Variants in ANTXR2 observed in about 807,000 individuals in gnomAD.
ANTXR2 encodes anthrax toxin receptor 2.
In ANTXR2, 44 loss-of-function variants were observed where a neutral mutation model predicts 73.7. The ratio of observed to expected loss-of-function variants is 0.60; its 90% CI spans 0.47 to 0.77. The LOEUF is 0.77. Among genes scored for constraint, ANTXR2 ranks in the 30% least tolerant of loss-of-function variants. The probability of loss-of-function intolerance (pLI) is 0.00; values close to 1 mark genes in which losing one functional copy is unlikely to be tolerated. For synonymous variants in ANTXR2, 217 were observed against 205.9 expected (o/e 1.05, Z -0.46); for missense variants, 604 against 592.5 (o/e 1.02, Z -0.20).
At chr4:80,062,067 T>A (rs1734286337) in intron 3 of ANTXR2, among the ~76,000 whole-genome samples, 1 of 152,212 alleles carries the variant, frequency 6.6e-6, no homozygotes, top group South Asian at 2.1e-4. Context: ...ACTAATGGGT[T>A]TTAGCTGTAT....
At chr4:80,020,979 T>G (rs947455497) in intron 10 of ANTXR2, among the ~76,000 whole-genome samples, 1 of 151,502 alleles carries the variant, frequency 6.6e-6, no homozygotes, top group Non-Finnish European at 1.5e-5. Flanking sequence ...AAACCCCGTC[T>G]CTACTAAAAA....
intron 7 of ANTXR2, among the ~76,000 whole-genome samples, chr4:80,038,926 G>A (rs1733107376): frequency 2.0e-5 from 3 of 151,954 alleles, no homozygotes; most frequent in Admixed American, 2.0e-4. Flanking sequence ...CAAACTTTTT[G>A]AGGAAAGAAA....
At chr4:79,999,163 TG>T (rs1328642262) in intron 12 of ANTXR2, among the ~76,000 whole-genome samples, 1 of 152,052 alleles carries the variant, frequency 6.6e-6, no homozygotes, top group Admixed American at 6.6e-5. Context: ...TGATATGGTT[TG>T]GCTCTTTGTC....
rs1409129641 is a variant in ANTXR2, at chr4:79,967,211, C to T, written c.1428+10410G>A. On this transcript the variant is annotated intron_variant, in intron 16 of 16. Coordinates refer to ENST00000403729, the MANE Select transcript of ANTXR2 (RefSeq NM_058172.6). ...CACCCGAATATTGCGCTTTTCAGAC[C>T]GGCTTAAGAAACGGCGCACCACGAG... Among the ~76,000 whole-genome samples the T allele has an allele frequency of 9.6e-5, 6 of 62,522 alleles. 3 individuals are homozygous for T. The highest frequency in any genetic ancestry group is 2.1e-4 in the Non-Finnish European group (6 of 28,310). The allele number at this position is 62,522 out of a possible 152,430, so 41.0% of individuals were successfully genotyped here.
rs7686888 is a variant in ANTXR2 at position 79,916,541 on chromosome 4, T to G, written c.1429-9074A>C. 3.3e-5 allele frequency among the ~76,000 whole-genome samples: 5 copies of G among 151,920 alleles called. No homozygotes were observed. The East Asian group carries it at 9.7e-4, about 29-fold the overall frequency. On this transcript the variant is annotated intron_variant, in intron 16 of 16. Transcript: ENST00000403729. Reference sequence around the variant, plus strand: ...GATCATTTCATAGATCTTAAATCAATAGTAAAAAAATTTCTCATAATATGA... The same window carrying G: ...GATCATTTCATAGATCTTAAATCAAGAGTAAAAAAATTTCTCATAATATGA...
chr4:80,026,981 C>T (rs1328779500), intron 10 of ANTXR2, among the ~76,000 whole-genome samples: 1 of 151,970 alleles, frequency 6.6e-6, no homozygotes, highest in African/African-American at 2.4e-5. Flanking sequence ...AACAGTGCAC[C>T]ATGTGAAGGA....
Position 80,018,888 on chromosome 4 carries a change from T to C in ANTXR2, c.945+10A>G. 2.0e-6 allele frequency: 3 copies of C among 1,507,330 alleles called. No homozygotes were observed. The South Asian group carries it at 4.0e-5, about 20-fold the overall frequency. The allele number at this position is 1,507,330 out of a possible 1,614,324, so 93.4% of individuals were successfully genotyped here. A position where few individuals can be genotyped will look rare whatever the true frequency, so the allele number is the denominator to read the frequency against. On this transcript the variant is annotated intron_variant, in intron 11 of 16. Transcript: ENST00000403729. ...TTTAAAAGATAATCTTTGTGCAAAC[T>C]TTTACTTACACATTCTGTGGCTGTG...
chr4:79,976,255 A>G (rs1363069554), intron 16 of ANTXR2, among the ~76,000 whole-genome samples: 1 of 152,188 alleles, frequency 6.6e-6, no homozygotes, highest in Non-Finnish European at 1.5e-5. Flanking sequence ...GTTGAAGTTC[A>G]TTAAGTTTAT....
intron 11 of ANTXR2, among the ~76,000 whole-genome samples, chr4:80,015,497 C>G (rs534067300): frequency 1.1e-4 from 16 of 152,156 alleles, no homozygotes; most frequent in Non-Finnish European, 2.1e-4. Context: ...TTTTCCTGTC[C>G]TTTCTCTTAC....
intron 16 of ANTXR2, among the ~76,000 whole-genome samples, chr4:79,958,135 T>C (rs1229070173): frequency 1.3e-5 from 2 of 152,036 alleles, no homozygotes; most frequent in African/African-American, 4.8e-5. Flanking sequence ...CATAATCTGA[T>C]GTTTCCTCTT....
intron 7 of ANTXR2, among the ~76,000 whole-genome samples, chr4:80,046,078 C>T (rs2110097972): frequency 6.6e-6 from 1 of 151,836 alleles, no homozygotes; most frequent in South Asian, 2.1e-4. Flanking sequence ...AATTTCTAAA[C>T]AAACTTTTAC....
At position 80,033,501 on chromosome 4, in the gene ANTXR2, G is replaced by A; in HGVS notation, c.767C>T (p.Thr256Ile). The change falls in exon 9 of 17, where the codon ACT becomes ATT. Residue 256 changes from threonine (T) to isoleucine (I), a missense_variant. By Grantham distance (89) the Thr-to-Ile change is moderately conservative. Coordinates refer to ENST00000403729, the MANE Select transcript of ANTXR2 (RefSeq NM_058172.6). Reference protein sequence around the residue: ...LGSRNGSVLCTYTVNETYTTS... With the variant: ...LGSRNGSVLCIYTVNETYTTS... ...TGTATATGTTTCATTTACAGTGTAA[G>A]TGCAGAGAACACTGCCATTCCGACT... 2 of 1,600,536 alleles carry A rather than the reference G, an allele frequency of 1.2e-6. No individual in the cohort carries two copies.
intron 11 of ANTXR2, among the ~76,000 whole-genome samples, chr4:80,014,491 G>A (rs946524347): frequency 1.3e-5 from 2 of 151,984 alleles, no homozygotes; most frequent in African/African-American, 2.4e-5. Context: ...GCTTGAACCC[G>A]GGAAGCAGAG....
At chr4:79,924,417 G>C (rs534974753) in intron 16 of ANTXR2, among the ~76,000 whole-genome samples, 1 of 152,214 alleles carries the variant, frequency 6.6e-6, no homozygotes, top group South Asian at 2.1e-4. Context: ...CTTGAAACCA[G>C]AAGTTTGAGG....
chr4:80,038,097 T>C (rs1294342036), intron 7 of ANTXR2, among the ~76,000 whole-genome samples: 3 of 152,138 alleles, frequency 2.0e-5, no homozygotes, highest in African/African-American at 7.2e-5. Context: ...ATTACATCTA[T>C]TGGCAATAGA....
rs1436100417 is a variant in ANTXR2, at chr4:79,904,849, C to T, written c.*2580G>A. 6.6e-6 allele frequency: 1 copy of T among 152,136 alleles called. No homozygotes were observed. The highest frequency in any genetic ancestry group is 1.9e-4 in the East Asian group (1 of 5,202). 9.4% of individuals were successfully genotyped at this position (152,136 alleles called of 1,614,324 possible). A position where few individuals can be genotyped will look rare whatever the true frequency, so the allele number is the denominator to read the frequency against. On this transcript the variant is annotated 3_prime_UTR_variant, in exon 17 of 17. Transcript: ENST00000403729. ...GCCATTAAATTTATAGAAATGGCTT[C>T]ATTTTAATCTTTTTTTGGTGGAAAA... is the stretch of plus-strand genomic sequence containing the variant.
rs1336957481 is a variant in ANTXR2, at chr4:79,978,179, A to G, written c.1180-5T>C. 3 of 1,613,546 alleles carry G rather than the reference A, an allele frequency of 1.9e-6. No homozygotes were observed. Among genetic ancestry groups the G allele is most frequent in the Non-Finnish European group, 2.5e-6 (3 of 1,179,640 alleles). On this transcript the variant is annotated splice_polypyrimidine_tract_variant and splice_region_variant and intron_variant, in intron 14 of 16. Coordinates refer to ENST00000403729, the MANE Select transcript of ANTXR2 (RefSeq NM_058172.6). The stretch of plus-strand genomic sequence containing the variant: ...TCCTTTATCACCCCAACGAACCTGT[A>G]AAACAAAGGGAGAGTACTGTTATCA...
At chr4:79,915,860 CTCTATA>C (rs1215558964) in intron 16 of ANTXR2, among the ~76,000 whole-genome samples, 255 of 121,956 alleles carry the variant, frequency 2.1e-3, no homozygotes, top group African/African-American at 7.5e-3. Context: ...CTCTCTCTCT[CTCTATA>C]TATATATATA....
At chr4:80,004,215 T>C (rs1207844727) in intron 12 of ANTXR2, among the ~76,000 whole-genome samples, 1 of 151,652 alleles carries the variant, frequency 6.6e-6, no homozygotes, top group Non-Finnish European at 1.5e-5. Flanking sequence ...AAAAAAATTA[T>C]GAAAAAAAAT....
Sources: gnomAD v4.1 joint callset for allele counts (sites outside exome capture counted in the v4.1 genomes callset) on GRCh38, gnomAD v4.1.1 for gene constraint, MANE v1.5 for transcripts, NCBI Gene and HGNC (gene_info 2026-07-23, HGNC 2026-07-21) for gene names.